Variants in ANKRD30A observed in about 807,000 individuals in gnomAD.
The protein encoded by ANKRD30A is ankyrin repeat domain-containing protein 30A.
Under a neutral mutation model 166.3 loss-of-function variants are expected in ANKRD30A, and 170 were observed. The ratio of observed to expected loss-of-function variants is 1.02; its 90% CI spans 0.90 to 1.16. The LOEUF (loss-of-function observed/expected upper bound fraction) is 1.16. Ranked by LOEUF, ANKRD30A falls within the 50% of genes most tolerant of loss-of-function variation. The probability of loss-of-function intolerance (pLI) is 0.00; values close to 1 mark genes in which losing one functional copy is unlikely to be tolerated. For missense variants in ANKRD30A, 1,630 were observed against 1,518.0 expected, an observed-to-expected ratio of 1.07 and a Z score of -1.23; for synonymous variants, 564 against 508.9, an observed-to-expected ratio of 1.11 and a Z score of -1.46.
At chr10:37,209,564 C>A (rs867124337) in intron 31 of ANKRD30A, among the ~76,000 whole-genome samples, 1 of 152,124 alleles carries the variant, frequency 6.6e-6, no homozygotes, top group Non-Finnish European at 1.5e-5. Context: ...TCTCACCAAG[C>A]TTTACTGCCA....
intron 27 of ANKRD30A, among the ~76,000 whole-genome samples, chr10:37,194,334 C>G (rs1022447952): frequency 2.0e-5 from 3 of 151,476 alleles, no homozygotes; most frequent in African/African-American, 4.9e-5. Context: ...GTTTGCATTT[C>G]TTTCTTCAGT....
intron 18 of ANKRD30A, among the ~76,000 whole-genome samples, chr10:37,165,391 T>G (rs1839241997): frequency 1.3e-5 from 2 of 152,216 alleles, no homozygotes; most frequent in Admixed American, 1.3e-4. Context: ...GTGTAAAAAC[T>G]AAGGCTTAGA....
At chr10:37,191,856 G>A (rs369928802) in intron 25 of ANKRD30A, among the ~76,000 whole-genome samples, 60 of 152,016 alleles carry the variant, frequency 3.9e-4, no homozygotes, top group African/African-American at 8.0e-4. Context: ...TCAGCCGGGC[G>A]TGGTGGTGGG....
At chr10:37,216,863 C>T (rs1026420483) in intron 32 of ANKRD30A, among the ~76,000 whole-genome samples, 1 of 150,932 alleles carries the variant, frequency 6.6e-6, no homozygotes, top group Non-Finnish European at 1.5e-5. Context: ...TACAGTTCAA[C>T]AAAGAGAGCG....
At chr10:37,152,724 C>T (rs547315000) in intron 12 of ANKRD30A, among the ~76,000 whole-genome samples, 7 of 151,968 alleles carry the variant, frequency 4.6e-5, no homozygotes, top group African/African-American at 7.2e-5. Context: ...AAATAGAACT[C>T]CTTGAGTCCT....
chr10:37,231,681 G>A lies in ANKRD30A; in HGVS notation c.*211+1G>A. 2.7e-6 allele frequency: 1 copy of A among 364,156 alleles called. No individual in the cohort carries two copies. Among genetic ancestry groups the A allele is most frequent in the Non-Finnish European group, 5.0e-6 (1 of 198,302 alleles). 22.6% of individuals were successfully genotyped at this position (364,156 alleles called of 1,614,324 possible). ...CAGTGTGAAGAATTACTTGTTCACG[G>A]TTAGTTATATTATCTGTCTTCCTTT... On this transcript the variant is annotated splice_donor_variant, in intron 35 of 35. Coordinates refer to ENST00000361713, the MANE Select transcript of ANKRD30A (RefSeq NM_052997.3). LOFTEE classifies it low-confidence loss of function (3UTR_SPLICE).
At chr10:37,161,997 T>A (rs191891181) in intron 15 of ANKRD30A, among the ~76,000 whole-genome samples, 2 of 152,330 alleles carry the variant, frequency 1.3e-5, no homozygotes, top group East Asian at 3.9e-4. Context: ...AATTTTTATA[T>A]AAATATGTCA....
chr10:37,142,291 G>T lies in ANKRD30A; in HGVS notation c.1393+1G>T, dbSNP rs778578568. 1 of 1,586,750 alleles carries T rather than the reference G, an allele frequency of 6.3e-7. No homozygotes were observed. Among genetic ancestry groups the T allele is most frequent in the South Asian group, 1.2e-5 (1 of 84,986 alleles). On this transcript the variant is annotated splice_donor_variant, in intron 7 of 35. Transcript: ENST00000361713. LOFTEE classifies it high-confidence loss of function. ...TCATCTACAAAAGCAAGTGCCAATGGTAAGATGCTAGAGCGAACTTTGTAA... is the reference window on the plus strand; with the variant it reads ...TCATCTACAAAAGCAAGTGCCAATGTTAAGATGCTAGAGCGAACTTTGTAA...
the ANKRD30A span, among the ~76,000 whole-genome samples, chr10:37,265,430 G>C: frequency 6.6e-6 from 1 of 152,172 alleles, no homozygotes; most frequent in East Asian, 1.9e-4. Flanking sequence ...CCTGTATTTA[G>C]GGACCTCTGC....
At chr10:37,126,403 C>T (rs934393161) in intron 1 of ANKRD30A, among the ~76,000 whole-genome samples, 4 of 152,062 alleles carry the variant, frequency 2.6e-5, no homozygotes, top group Non-Finnish European at 4.4e-5. Flanking sequence ...TGAAATGGTG[C>T]GTAATGAAAT....
At chr10:37,135,995 T>C (rs1235615036) in intron 5 of ANKRD30A, among the ~76,000 whole-genome samples, 1 of 152,180 alleles carries the variant, frequency 6.6e-6, no homozygotes, top group Admixed American at 6.5e-5. Context: ...TCTCCCTATG[T>C]TGCCCAGGGT....
intron 31 of ANKRD30A, among the ~76,000 whole-genome samples, chr10:37,212,398 C>T (rs187660065): frequency 5.9e-5 from 9 of 152,072 alleles, no homozygotes; most frequent in Middle Eastern, 3.4e-3. Flanking sequence ...GAACATTCCA[C>T]GCTTATGGGT....
At chr10:37,149,608 C>T (rs757474847) in intron 9 of ANKRD30A, 43 bp from the exon 10 acceptor site, 1 of 1,597,640 alleles carries the variant, frequency 6.3e-7, no homozygotes, top group Admixed American at 1.7e-5. Context: ...TTGGCATTGT[C>T]ATACTTACTT....
chr10:37,138,651 A>G (rs1298992774), intron 6 of ANKRD30A, among the ~76,000 whole-genome samples: 1 of 152,214 alleles, frequency 6.6e-6, no homozygotes, highest in Non-Finnish European at 1.5e-5. Flanking sequence ...AATGAATGAA[A>G]TGAAGTGAGA....
intron 34 of ANKRD30A, among the ~76,000 whole-genome samples, chr10:37,229,451 G>C (rs976416947): frequency 1.3e-5 from 2 of 151,916 alleles, no homozygotes; most frequent in Non-Finnish European, 2.9e-5. Flanking sequence ...CTCAAATCAA[G>C]ATAACTAATA....
chr10:37,196,127 C>G (rs1018696162), intron 27 of ANKRD30A, among the ~76,000 whole-genome samples: 6 of 107,932 alleles, frequency 5.6e-5, no homozygotes, highest in African/African-American at 2.2e-4. Flanking sequence ...TAGAAGCATT[C>G]TAGGCAGGTA....
At chr10:37,242,871 G>T in the ANKRD30A span, among the ~76,000 whole-genome samples, 1 of 152,140 alleles carries the variant, frequency 6.6e-6, no homozygotes, top group Non-Finnish European at 1.5e-5. Context: ...TACTATAGCA[G>T]TACAATACAT....
Position 37,162,861 on chromosome 10 carries a change from A to G in ANKRD30A, c.2002+13A>G, listed in dbSNP as rs190461407. 8,426 of 1,610,802 alleles carry G rather than the reference A, an allele frequency of 5.2e-3. 35 individuals are homozygous for G. The highest frequency in any genetic ancestry group is 6.3e-3 in the Non-Finnish European group (7,363 of 1,177,542). ...ACATTGAGAGCAGGTAAATTTTTCAATGTAACTATGGAAAGACCAATATTT... is the reference window on the plus strand; with the variant it reads ...ACATTGAGAGCAGGTAAATTTTTCAGTGTAACTATGGAAAGACCAATATTT... On this transcript the variant is annotated intron_variant, in intron 17 of 35. Transcript: ENST00000361713.
chr10:37,193,684 T>A (rs1179663853), intron 27 of ANKRD30A, among the ~76,000 whole-genome samples: 1 of 152,086 alleles, frequency 6.6e-6, no homozygotes. Context: ...AAAATCAGTT[T>A]TTTTTTTATT....
Sources: allele counts gnomAD v4.1 joint callset (sites outside exome capture counted in the v4.1 genomes callset), GRCh38; gene constraint gnomAD v4.1.1; transcripts MANE v1.5; gene names NCBI Gene and HGNC (gene_info 2026-07-23, HGNC 2026-07-21).